The following PSMA7 variants were observed in gnomAD, a reference collection of about 807,000 sequenced individuals.
The protein encoded by PSMA7 is proteasome subunit alpha type-7.
PSMA7 carries 5 observed loss-of-function variants against 31.3 expected under a neutral mutation model. The ratio of observed to expected loss-of-function variants is 0.16; its 90% CI spans 0.08 to 0.34. The LOEUF is 0.34. Ranked by LOEUF, PSMA7 falls within the 10% of genes least tolerant of loss-of-function variation. PSMA7 has a pLI of 1.00. For synonymous variants in PSMA7, 155 were observed against 121.9 expected (o/e 1.27, Z -1.79); for missense variants, 217 against 327.5 (o/e 0.66, Z 2.60).
intron 2 of PSMA7, among the ~76,000 whole-genome samples, chr20:62,140,457 T>C (rs546988235): frequency 1.3e-5 from 2 of 152,352 alleles, no homozygotes; most frequent in African/African-American, 4.8e-5. Context: ...TGGTCCTTTT[T>C]ACTGCTGGGG....
chr20:62,140,712 T>A lies in PSMA7; in HGVS notation c.223+106A>T, dbSNP rs555398689. 28 of 1,331,240 alleles carry A rather than the reference T, an allele frequency of 2.1e-5. No individual in the cohort carries two copies. In the South Asian group the frequency reaches 3.3e-4, roughly 15 times the overall value. The allele number at this position is 1,331,240 out of a possible 1,614,324, so 82.5% of individuals were successfully genotyped here. On this transcript the variant is annotated intron_variant, in intron 2 of 6. Coordinates refer to ENST00000370873, the MANE Select transcript of PSMA7 (RefSeq NM_002792.4). ...ATTCTTTTAAATGATTTTCATTTAC[T>A]CAGTTTATATGGCTCACAATAGCCC...
At chr20:62,137,909 C>T (rs2056904722) in intron 5 of PSMA7, among the ~76,000 whole-genome samples, 2 of 152,218 alleles carry the variant, frequency 1.3e-5, no homozygotes, top group Admixed American at 1.3e-4. Flanking sequence ...CACATCCTGC[C>T]TCTGGTTCTC....
At chr20:62,143,185 C>G in intron 1 of PSMA7, 23 bp downstream of exon 1, 1 of 1,360,216 alleles carries the variant, frequency 7.4e-7, no homozygotes, top group Non-Finnish European at 9.6e-7. Flanking sequence ...GTCCCCGGCC[C>G]CGCGCAGGCC....
chr20:62,141,367 T>A (rs2056926478), intron 1 of PSMA7, among the ~76,000 whole-genome samples: 1 of 152,116 alleles, frequency 6.6e-6, no homozygotes, highest in African/African-American at 2.4e-5. Flanking sequence ...GGGTAGCAGC[T>A]CCCACTGGAA....
At chr20:62,142,932 G>GC (rs1350986627) in intron 1 of PSMA7, among the ~76,000 whole-genome samples, 1 of 150,368 alleles carries the variant, frequency 6.7e-6, no homozygotes, top group Non-Finnish European at 1.5e-5. Flanking sequence ...CGTCGTCACG[G>GC]CCCCCGTGCC....
intron 6 of PSMA7, 150 bp from the exon 7 acceptor site, chr20:62,137,099 G>A: frequency 8.8e-7 from 1 of 1,141,378 alleles, no homozygotes; most frequent in Non-Finnish European, 1.3e-6. Context: ...ATGCTGGCCT[G>A]ACCTAGACAA....
intron 3 of PSMA7, chr20:62,139,436 G>A (rs2056914071): frequency 4.6e-6 from 3 of 648,910 alleles, no homozygotes; most frequent in Non-Finnish European, 7.8e-6. Flanking sequence ...TACTTTGACA[G>A]GTAGACACAC....
rs759666064 is a variant in PSMA7, at chr20:62,143,308, G to C, written c.-5C>G. 7.1e-6 allele frequency: 10 copies of C among 1,404,614 alleles called. No homozygotes were observed. Among genetic ancestry groups the C allele is most frequent in the South Asian group, 1.3e-5 (1 of 76,942 alleles). 87.0% of individuals were successfully genotyped at this position (1,404,614 alleles called of 1,614,324 possible). A position where few individuals can be genotyped will look rare whatever the true frequency, so the allele number is the denominator to read the frequency against. The stretch of plus-strand genomic sequence containing the variant: ...GATGGCGCGGTCGTAGCTCATGCCG[G>C]CGGGCGGCGGCCGGGCTCCTTCCGC... On this transcript the variant is annotated 5_prime_UTR_variant, in exon 1 of 7. Transcript: ENST00000370873.
intron 1 of PSMA7, 111 bp from the exon 2 acceptor site, chr20:62,141,055 A>C (rs925518233): frequency 1.2e-5 from 16 of 1,359,828 alleles, no homozygotes; most frequent in Non-Finnish European, 1.6e-5. Flanking sequence ...GGATGACTTA[A>C]ATTCAAGAGT....
At chr20:62,139,551 C>T (rs1418971230) in intron 3 of PSMA7, 2 of 783,258 alleles carry the variant, frequency 2.6e-6, no homozygotes, top group Admixed American at 2.7e-5. Flanking sequence ...GCTATCATTT[C>T]CCTCCAGACA....
chr20:62,137,250 TA>T (rs1440091718), intron 6 of PSMA7, 113 bp downstream of exon 6: 4 of 1,138,632 alleles, frequency 3.5e-6, no homozygotes, highest in African/African-American at 3.1e-5. Context: ...GACATTTTCC[TA>T]ATGTTAAAAC....
chr20:62,141,069 A>G, intron 1 of PSMA7, 125 bp from the exon 2 acceptor site: 5 of 1,223,566 alleles, frequency 4.1e-6, no homozygotes, highest in Non-Finnish European at 4.6e-6. Flanking sequence ...CAAGAGTTCA[A>G]GACCAGCCGG....
chr20:62,138,115 C>T, intron 5 of PSMA7, 56 bp downstream of exon 5: 2 of 1,612,172 alleles, frequency 1.2e-6, no homozygotes, highest in Middle Eastern at 1.7e-4. Context: ...ACCTACCACT[C>T]ACCACCAAAA....
chr20:62,142,416 C>T (rs1048880092), intron 1 of PSMA7: 1 of 152,296 alleles, frequency 6.6e-6, no homozygotes, highest in Non-Finnish European at 1.5e-5. Flanking sequence ...GCTGCTTTCT[C>T]TGCCTGCTCA....
intron 3 of PSMA7, 75 bp downstream of exon 3, chr20:62,139,706 A>T (rs557309588): frequency 3.4e-5 from 55 of 1,610,150 alleles, no homozygotes; most frequent in Non-Finnish European, 4.7e-5. Flanking sequence ...CTGAAGTGAC[A>T]TGGCAGGACC....
At position 62,140,905 on chromosome 20, in the gene PSMA7, C is replaced by T; in HGVS notation, c.136G>A (p.Glu46Lys). The T allele has an allele frequency of 1.2e-6, 2 of 1,614,216 alleles. No individual in the cohort carries two copies. Among genetic ancestry groups the T allele is most frequent in the Non-Finnish European group, 1.7e-6 (2 of 1,180,026 alleles). The change falls in exon 2 of 7, where the codon GAG (glutamate) becomes AAG (lysine). Residue 46 changes from glutamate to lysine, a missense_variant. Around this residue, in one of 3 missense-constraint regions of PSMA7, gnomAD observed 76 missense variants for 96.5 expected, o/e 0.79. Transcript: ENST00000370873. ...RGRDIVVLGV[E>K]KKSVAKLQDE... ...TGCAGTTTGGCCACTGACTTCTTCT[C>T]CACACCAAGAACAACAATGTCTCTT...
chr20:62,138,464 G>A lies in PSMA7; in HGVS notation c.472-174C>T, dbSNP rs577508102. 2.0e-5 allele frequency among the ~76,000 whole-genome samples: 3 copies of A among 152,204 alleles called. No individual in the cohort carries two copies. The East Asian group carries it at 5.8e-4, about 29-fold the overall frequency. On this transcript the variant is annotated intron_variant, in intron 4 of 6. Transcript: ENST00000370873. ...CTGCCTCGTGGCTTCCTTTTGCAAA[G>A]AGCTCTTTAGAGTTGATGCTGATTC...
At chr20:62,139,442 C>T in intron 3 of PSMA7, 1 of 645,114 alleles carries the variant, frequency 1.6e-6, no homozygotes, top group South Asian at 2.0e-5. Context: ...GACAGGTAGA[C>T]ACACATTCTG....
intron 5 of PSMA7, 163 bp from the exon 6 acceptor site, chr20:62,137,589 T>C: frequency 1.5e-6 from 1 of 682,606 alleles, no homozygotes; most frequent in Non-Finnish European, 2.6e-6. Context: ...CTCATGGCCA[T>C]TTGTGAAGTC....
Sources: gnomAD v4.1 joint callset for allele counts (sites outside exome capture counted in the v4.1 genomes callset) on GRCh38, gnomAD v4.1.1 for gene constraint, gnomAD v4.1.1 regional missense constraint, MANE v1.5 for transcripts, NCBI Gene and HGNC (gene_info 2026-07-23, HGNC 2026-07-21) for gene names.